Variants in RNF144A observed in about 807,000 individuals in gnomAD.
RNF144A encodes ring finger protein 144A, also known as E3 ubiquitin-protein ligase RNF144A.
Under a neutral mutation model 38.7 loss-of-function variants are expected in RNF144A, and 11 were observed. The ratio of observed to expected loss-of-function variants is 0.28; its 90% confidence interval spans 0.18 to 0.47. RNF144A has a LOEUF of 0.47. Ranked by LOEUF, RNF144A falls within the 20% of genes least tolerant of loss-of-function variation. The probability of loss-of-function intolerance (pLI) is 0.99; values close to 1 mark genes in which losing one functional copy is unlikely to be tolerated. For synonymous variants in RNF144A, 149 were observed against 143.9 expected (o/e 1.04, Z -0.25); for missense variants, 316 against 377.2 (o/e 0.84, Z 1.34).
At chr2:6,963,066 C>T (rs888863249) in intron 2 of RNF144A, among the ~76,000 whole-genome samples, 2 of 152,168 alleles carry the variant, frequency 1.3e-5, no homozygotes, top group African/African-American at 4.8e-5. Flanking sequence ...GCATGAGATC[C>T]ACCTTTCTAT....
Position 7,024,513 on chromosome 2 carries a change from G to C in RNF144A, c.654G>C (p.Leu218=), listed in dbSNP as rs1273551820. The C allele has an allele frequency of 6.2e-7, 1 of 1,604,710 alleles. No individual in the cohort carries two copies. Among genetic ancestry groups the C allele is most frequent in the Non-Finnish European group, 8.5e-7 (1 of 1,172,174 alleles). ...HAFCWYCLES[L]DDDFLLIHYD... ...TCTGCTGGTACTGCCTGGAGTCTCT[G>C]GACGTGAGTACGGCCTTCAGCTTCA... The change falls in exon 7 of 9, where the codon CTG becomes CTC. Residue 218 remains leucine (L), a synonymous_variant. Transcript: ENST00000320892.
downstream of RNF144A, among the ~76,000 whole-genome samples, chr2:7,072,684 C>T (rs1054397675): frequency 2.6e-5 from 4 of 152,180 alleles, 1 homozygote; most frequent in South Asian, 6.2e-4. Flanking sequence ...GCAATGGCAA[C>T]GTCTCCATCA....
At chr2:6,980,044 A>T (rs1457612075) in intron 2 of RNF144A, among the ~76,000 whole-genome samples, 1 of 152,032 alleles carries the variant, frequency 6.6e-6, no homozygotes, top group African/African-American at 2.4e-5. Flanking sequence ...ATCAGATCTC[A>T]TGAGAACATC....
At chr2:7,070,725 T>C (rs1474503151), downstream of RNF144A, among the ~76,000 whole-genome samples, 1 of 151,992 alleles carries the variant, frequency 6.6e-6, no homozygotes, top group East Asian at 1.9e-4. Context: ...GAGCACGCCA[T>C]ACGATGGAGG....
chr2:7,042,103 C>G lies in RNF144A; in HGVS notation c.*2343C>G. 1.0e-6 allele frequency: 1 copy of G among 985,272 alleles called. No individual in the cohort carries two copies. The highest frequency in any genetic ancestry group is 1.2e-6 in the Non-Finnish European group (1 of 829,864). 61.0% of individuals were successfully genotyped at this position (985,272 alleles called of 1,614,324 possible). A position where few individuals can be genotyped will look rare whatever the true frequency, so the allele number is the denominator to read the frequency against. On this transcript the variant is annotated 3_prime_UTR_variant, in exon 9 of 9. Coordinates refer to ENST00000320892, the MANE Select transcript of RNF144A (RefSeq NM_014746.6). ...CATGCCTCAGTTTCCTCATTTTGAT[C>G]TAGATATAAAATTAAAATTGTCCAT...
At chr2:6,933,559 A>G (rs753440317) in intron 1 of RNF144A, among the ~76,000 whole-genome samples, 12 of 152,234 alleles carry the variant, frequency 7.9e-5, no homozygotes, top group Non-Finnish European at 1.8e-4. Flanking sequence ...TACTGTATCA[A>G]AAGTCTTTAG....
At chr2:7,024,342 A>C (rs776603307) in intron 6 of RNF144A, 27 bp from the exon 7 acceptor site, 2 of 1,579,052 alleles carry the variant, frequency 1.3e-6, no homozygotes, top group Non-Finnish European at 1.7e-6. Context: ...CCGTTTGTGC[A>C]GAGTCCTCAC....
chr2:7,072,888 T>A (rs115302931), downstream of RNF144A, among the ~76,000 whole-genome samples: 1 of 152,186 alleles, frequency 6.6e-6, no homozygotes, highest in Non-Finnish European at 1.5e-5. Context: ...TTACCTCAAA[T>A]GGGCTGAGCT....
chr2:7,050,725 CA>C (rs904997266), intron 6 of RNF144A, among the ~76,000 whole-genome samples: 3 of 152,308 alleles, frequency 2.0e-5, no homozygotes, highest in African/African-American at 7.2e-5. Flanking sequence ...GAATGGAGAG[CA>C]ACAGTCTTTT....
At chr2:7,030,286 TGTGTGTGTGTGTGTG>T in intron 8 of RNF144A, 71 bp downstream of exon 8, 1 of 924,194 alleles carries the variant, frequency 1.1e-6, no homozygotes. Flanking sequence ...TGTGTGTGTG[TGTGTGTGTGTGTGTG>T]TGTGTATGTA....
At chr2:7,076,198 T>C in the RNF144A span, among the ~76,000 whole-genome samples, 11 of 152,182 alleles carry the variant, frequency 7.2e-5, no homozygotes, top group Non-Finnish European at 1.5e-4. Flanking sequence ...TGACAGTTTT[T>C]TTCTAATATT....
intron 4 of RNF144A, 41 bp downstream of exon 4, chr2:7,014,599 GGCGTGC>G: frequency 6.6e-7 from 1 of 1,517,368 alleles, no homozygotes; most frequent in Non-Finnish European, 9.1e-7. Flanking sequence ...GATGTGCACA[GGCGTGC>G]ACTGCTGAAC....
chr2:7,072,626 A>G (rs146668263), downstream of RNF144A, among the ~76,000 whole-genome samples: 216 of 152,298 alleles, frequency 1.4e-3, no homozygotes, highest in African/African-American at 5.1e-3. Context: ...GCCACAGAAT[A>G]TTACTGATTT....
At chr2:6,918,865 A>G (rs943552970) in intron 1 of RNF144A, among the ~76,000 whole-genome samples, 19 of 150,288 alleles carry the variant, frequency 1.3e-4, no homozygotes, top group Non-Finnish European at 2.2e-4. Context: ...GTAAGGCCCC[A>G]GGGAACTATC....
In RNF144A at chr2:7,036,628, T is replaced by C. The variant is rs1672699233; in HGVS notation, c.748-3001T>C. 3.3e-5 allele frequency among the ~76,000 whole-genome samples: 5 copies of C among 152,228 alleles called. No homozygotes were observed. The South Asian group carries it at 6.2e-4, about 19-fold the overall frequency. ...GACCTCTGGAATAGCTTTTTGGGTA[T>C]AGATTTTGCATCTGTGAAATGAGAA... On this transcript the variant is annotated intron_variant, in intron 8 of 8. Coordinates refer to ENST00000320892, the MANE Select transcript of RNF144A (RefSeq NM_014746.6).
At chr2:6,954,019 T>A (rs2103318430) in intron 2 of RNF144A, among the ~76,000 whole-genome samples, 1 of 152,256 alleles carries the variant, frequency 6.6e-6, no homozygotes, top group South Asian at 2.1e-4. Context: ...TAAAGCCTGT[T>A]TTGTCGATAG....
chr2:6,976,428 G>T (rs887206693), intron 2 of RNF144A, among the ~76,000 whole-genome samples: 1 of 149,964 alleles, frequency 6.7e-6, no homozygotes, highest in Non-Finnish European at 1.5e-5. Flanking sequence ...TTCAATTGTT[G>T]CTCTTTTACT....
At chr2:7,056,110 CTT>C (rs1209361548) in intron 6 of RNF144A, among the ~76,000 whole-genome samples, 1 of 152,124 alleles carries the variant, frequency 6.6e-6, no homozygotes, top group Non-Finnish European at 1.5e-5. Flanking sequence ...GAGTTAATGA[CTT>C]TATTTCTCTG....
At chr2:7,022,981 G>A (rs888708554) in intron 6 of RNF144A, among the ~76,000 whole-genome samples, 8 of 152,170 alleles carry the variant, frequency 5.3e-5, no homozygotes, top group African/African-American at 1.4e-4. Context: ...TGTTTATTGA[G>A]TGCCTGGTAC....
Sources: allele counts gnomAD v4.1 joint callset (sites outside exome capture counted in the v4.1 genomes callset), GRCh38; gene constraint gnomAD v4.1.1; transcripts MANE v1.5; gene names NCBI Gene and HGNC (gene_info 2026-07-23, HGNC 2026-07-21).